PCDHA10: variants seen among roughly 807,000 people sequenced by gnomAD.
PCDHA10 encodes the protein protocadherin alpha 10.
PCDHA10 carries 45 observed loss-of-function variants against 61.2 expected under a neutral mutation model. The observed-to-expected ratio is 0.74, with a 90% CI of 0.58 to 0.94. The LOEUF is 0.94. Ranked by LOEUF, PCDHA10 falls within the 40% of genes least tolerant of loss-of-function variation. The pLI, the probability that PCDHA10 is intolerant of heterozygous loss-of-function variation, is 0.00. For missense variants in PCDHA10, 1,278 were observed against 1,236.2 expected (o/e 1.03, Z -0.51); for synonymous variants, 602 against 548.8 (o/e 1.10, Z -1.35).
At chr5:140,916,323 C>G (rs1035282237) in intron 1 of PCDHA10, among the ~76,000 whole-genome samples, 2 of 152,210 alleles carry the variant, frequency 1.3e-5, no homozygotes. Flanking sequence ...ACAAAGTCCC[C>G]TTTACTTTTT....
intron 1 of PCDHA10, chr5:140,875,828 T>C: frequency 6.2e-7 from 1 of 1,614,196 alleles, no homozygotes; most frequent in African/African-American, 1.3e-5. Flanking sequence ...GTTTTCCATG[T>C]GGACGTGGAG....
chr5:140,869,504 C>G (rs959374162), intron 1 of PCDHA10: 1 of 1,614,200 alleles, frequency 6.2e-7, no homozygotes, highest in Admixed American at 1.7e-5. Context: ...CCGGTGTTCT[C>G]GCTCAGAGAA....
chr5:140,868,999 T>A (rs976594778), intron 1 of PCDHA10: 72 of 1,518,578 alleles, frequency 4.7e-5, no homozygotes, highest in African/African-American at 4.5e-4. Flanking sequence ...CGTTTAAGGA[T>A]CCTTTGAAAC....
intron 1 of PCDHA10, chr5:140,875,600 C>T: frequency 6.2e-7 from 1 of 1,613,884 alleles, no homozygotes; most frequent in Non-Finnish European, 8.5e-7. Context: ...AAACACGGCA[C>T]CTTCGTGGGC....
At chr5:140,882,415 T>G (rs782393404) in intron 1 of PCDHA10, 23 of 1,614,072 alleles carry the variant, frequency 1.4e-5, no homozygotes, top group African/African-American at 2.7e-5. Flanking sequence ...GCCGCATCGC[T>G]CAGGACCTGG....
At position 140,979,365 on chromosome 5, in the gene PCDHA10, C is replaced by T. The variant is rs782063202; in HGVS notation, c.2447+358C>T. Among the ~76,000 whole-genome samples, 13 of 151,916 alleles carry T rather than the reference C, an allele frequency of 8.6e-5. 1 individual carries two copies. The highest frequency in any genetic ancestry group is 1.5e-5 in the Non-Finnish European group (1 of 67,992). On this transcript the variant is annotated intron_variant, in intron 2 of 3. Coordinates refer to ENST00000307360, the MANE Select transcript of PCDHA10 (RefSeq NM_018901.4). ...TGTAATTAATACTCATGCTTTGAGA[C>T]TTGGGTACATTGTGCAATGTATACA...
At chr5:140,985,684 C>T (rs2097164164) in intron 3 of PCDHA10, among the ~76,000 whole-genome samples, 1 of 151,578 alleles carries the variant, frequency 6.6e-6, no homozygotes, top group Non-Finnish European at 1.5e-5. Flanking sequence ...CTGCCTTACG[C>T]TAATCCTCGT....
At chr5:141,002,184 T>A (rs1554258557) in intron 3 of PCDHA10, among the ~76,000 whole-genome samples, 1 of 152,218 alleles carries the variant, frequency 6.6e-6, no homozygotes, top group East Asian at 1.9e-4. Flanking sequence ...CAGAGTGCTG[T>A]CTGGCAAGAT....
chr5:140,890,097 C>G (rs1554184163), intron 1 of PCDHA10, among the ~76,000 whole-genome samples: 1 of 152,136 alleles, frequency 6.6e-6, no homozygotes, highest in African/African-American at 2.4e-5. Context: ...AATTTATTCC[C>G]AACTCTGGAT....
At chr5:140,925,513 A>G (rs2082534793) in intron 1 of PCDHA10, among the ~76,000 whole-genome samples, 1 of 152,104 alleles carries the variant, frequency 6.6e-6, no homozygotes, top group South Asian at 2.1e-4. Flanking sequence ...CACGCAAAAG[A>G]CCAAATTAAA....
At chr5:140,876,315 C>T in intron 1 of PCDHA10, 1 of 1,613,958 alleles carries the variant, frequency 6.2e-7, no homozygotes, top group South Asian at 1.1e-5. Flanking sequence ...CCTATGGGAT[C>T]AAAATGATTT....
At chr5:140,870,826 G>T (rs781804523) in intron 1 of PCDHA10, 16 of 1,613,638 alleles carry the variant, frequency 9.9e-6, no homozygotes, top group Non-Finnish European at 1.3e-5. Context: ...CGCGGGAGGC[G>T]CAGTTAACAA....
chr5:140,968,942 T>C (rs782129541), intron 1 of PCDHA10: 2 of 1,614,214 alleles, frequency 1.2e-6, no homozygotes, highest in South Asian at 2.2e-5. Context: ...AATCATCATT[T>C]TGAGCATCAT....
At chr5:140,883,397 C>T in intron 1 of PCDHA10, 2 of 1,614,170 alleles carry the variant, frequency 1.2e-6, no homozygotes, top group Non-Finnish European at 1.7e-6. Flanking sequence ...TGTGTCCGAT[C>T]GTGACTCTGG....
chr5:140,926,823 G>A (rs1454618329), intron 1 of PCDHA10: 2 of 1,496,880 alleles, frequency 1.3e-6, no homozygotes, highest in Non-Finnish European at 1.8e-6. Flanking sequence ...TGCTCTCCAG[G>A]AGTCCGGAGC....
At chr5:140,926,441 A>T (rs1476576189) in intron 1 of PCDHA10, 1 of 154,800 alleles carries the variant, frequency 6.5e-6, no homozygotes, top group Non-Finnish European at 1.4e-5. Context: ...AGATCTGGGC[A>T]GCCTCAGGGC....
chr5:140,891,378 T>C (rs141028628), intron 1 of PCDHA10, among the ~76,000 whole-genome samples: 2 of 152,104 alleles, frequency 1.3e-5, no homozygotes, highest in African/African-American at 4.8e-5. Context: ...CATTGCACCA[T>C]ATTTGCAATC....
At chr5:140,916,832 G>A (rs1286597127) in intron 1 of PCDHA10, among the ~76,000 whole-genome samples, 3 of 152,104 alleles carry the variant, frequency 2.0e-5, no homozygotes, top group East Asian at 1.9e-4. Context: ...TATCCCTCTG[G>A]TTCTGAGCCC....
At chr5:140,984,869 T>C (rs1587042657) in intron 3 of PCDHA10, among the ~76,000 whole-genome samples, 1 of 152,174 alleles carries the variant, frequency 6.6e-6, no homozygotes, top group East Asian at 1.9e-4. Flanking sequence ...ACCTATTTTA[T>C]TGAGTTACCA....
Sources: allele counts gnomAD v4.1 joint callset (sites outside exome capture counted in the v4.1 genomes callset), GRCh38; gene constraint gnomAD v4.1.1; transcripts MANE v1.5; gene names NCBI Gene and HGNC (gene_info 2026-07-23, HGNC 2026-07-21).